Variants in PRR5 observed in about 807,000 individuals in gnomAD.
PRR5 encodes the protein proline rich 5, also known as proline-rich protein 5.
PRR5 carries 25 observed loss-of-function variants against 30.6 expected under a neutral mutation model. The ratio of observed to expected loss-of-function variants is 0.82; its 90% CI spans 0.60 to 1.14. The LOEUF (loss-of-function observed/expected upper bound fraction) is 1.14. Among genes scored for constraint, PRR5 ranks in the 50% most tolerant of loss-of-function variants. The pLI is 0.00. For missense variants in PRR5, 600 were observed against 547.1 expected (o/e 1.10, Z -0.96); for synonymous variants, 286 against 247.1 (o/e 1.16, Z -1.48).
At chr22:44,704,599 G>C (rs955408388) in intron 1 of PRR5, among the ~76,000 whole-genome samples, 5 of 152,028 alleles carry the variant, frequency 3.3e-5, no homozygotes, top group African/African-American at 1.2e-4. Context: ...CACCACCCCA[G>C]GCAGCAGGGG....
At chr22:44,723,493 G>A (rs569716326) in intron 2 of PRR5, among the ~76,000 whole-genome samples, 26 of 152,248 alleles carry the variant, frequency 1.7e-4, no homozygotes, top group Admixed American at 1.4e-3. Flanking sequence ...TCCGAGGCAG[G>A]TGGATCACCT....
intron 1 of PRR5, among the ~76,000 whole-genome samples, chr22:44,692,455 C>A (rs918989246): frequency 7.3e-6 from 1 of 137,076 alleles, no homozygotes; most frequent in Non-Finnish European, 1.7e-5. Context: ...GCTCCTCCAC[C>A]GGGGGAAATT....
At chr22:44,725,328 C>T in intron 3 of PRR5, 36 bp downstream of exon 3, 3 of 1,610,636 alleles carry the variant, frequency 1.9e-6, no homozygotes, top group Non-Finnish European at 2.5e-6. Context: ...CTGGGCCTGC[C>T]TCATGAGCCA....
intron 3 of PRR5, among the ~76,000 whole-genome samples, chr22:44,726,091 G>C (rs1457690574): frequency 1.3e-5 from 2 of 152,182 alleles, no homozygotes; most frequent in Non-Finnish European, 1.5e-5. Context: ...TGTGGAGATG[G>C]GCTGCATTTT....
At chr22:44,699,934 G>T (rs111371093), upstream of PRR5, among the ~76,000 whole-genome samples, 6 of 148,846 alleles carry the variant, frequency 4.0e-5, no homozygotes, top group African/African-American at 1.5e-4. Flanking sequence ...TGTTGTTTTT[G>T]TTTTTTTTTT....
chr22:44,702,305 C>T lies in PRR5; in HGVS notation c.-170C>T, dbSNP rs1436284619. On this transcript the variant is annotated 5_prime_UTR_variant, in exon 1 of 8. Coordinates refer to ENST00000336985, the MANE Select transcript of PRR5 (RefSeq NM_181333.4). ...CCGGCGGGGCGGCCGGCGCGGGACC[C>T]GAGACGGAGGCGCGGGGCCGGGGCG... is the stretch of plus-strand genomic sequence containing the variant. The T allele has an allele frequency of 2.6e-6, 3 of 1,149,856 alleles. No individual in the cohort carries two copies. In the East Asian group the frequency reaches 1.2e-4, roughly 44 times the overall value. 71.2% of individuals were successfully genotyped at this position (1,149,856 alleles called of 1,614,324 possible).
rs538997955 is a variant in PRR5 at position 44,714,803 on chromosome 22, A to G, written c.215+132A>G. The G allele has an allele frequency of 3.2e-6, 4 of 1,242,946 alleles. No individual in the cohort carries two copies. In the East Asian group the frequency reaches 7.6e-5, roughly 24 times the overall value. The allele number at this position is 1,242,946 out of a possible 1,614,324, so 77.0% of individuals were successfully genotyped here. On this transcript the variant is annotated intron_variant, in intron 2 of 7. Transcript: ENST00000336985. The stretch of plus-strand genomic sequence containing the variant: ...TTCCTCCCCTAGAGGCCATCTGTCA[A>G]CAGGAGAGCGAGGCCCAAGTTAGCA...
intron 2 of PRR5, among the ~76,000 whole-genome samples, chr22:44,724,158 G>A (rs187937405): frequency 9.2e-5 from 14 of 152,306 alleles, no homozygotes; most frequent in African/African-American, 2.2e-4. Flanking sequence ...TTCCTAGGCC[G>A]GGTGTGGTGG....
chr22:44,706,469 G>A (rs533337675), intron 1 of PRR5, among the ~76,000 whole-genome samples: 2 of 152,252 alleles, frequency 1.3e-5, no homozygotes, highest in South Asian at 2.1e-4. Flanking sequence ...TGAGCATTTC[G>A]CTGGGGTCTG....
At chr22:44,698,775 C>T (rs893957132), upstream of PRR5, among the ~76,000 whole-genome samples, 4 of 152,230 alleles carry the variant, frequency 2.6e-5, no homozygotes, top group East Asian at 1.9e-4. Context: ...GTTGGCCGCA[C>T]GCAGTTTGGT....
At position 44,694,148 on chromosome 22, in the gene PRR5, T is replaced by C. The variant is rs1462035917; in HGVS notation, c.-10-8344T>C. On this transcript the variant is annotated intron_variant, in intron 1 of 8. Coordinates refer to the PRR5 transcript ENST00000006251. ...CGGCCAAGAAGGGCCAGCACGTCAT[T>C]GTCAGAACAGGAAGCTTCGAGGGAC... Among the ~76,000 whole-genome samples, 3 of 152,194 alleles carry C rather than the reference T, an allele frequency of 2.0e-5. No individual in the cohort carries two copies. The East Asian group carries it at 5.8e-4, about 29-fold the overall frequency.
chr22:44,696,758 A>T (rs75955464), intron 1 of PRR5, among the ~76,000 whole-genome samples: 3,544 of 93,652 alleles, frequency 0.038, 44 homozygotes, highest in East Asian at 0.063. Flanking sequence ...TTTATTTGAG[A>T]TGCAGTCCTG....
chr22:44,675,284 G>A (rs1923671751), upstream of PRR5, among the ~76,000 whole-genome samples: 1 of 152,090 alleles, frequency 6.6e-6, no homozygotes, highest in African/African-American at 2.4e-5. Flanking sequence ...AAAGAAATGG[G>A]GTTTTGCCAC....
At chr22:44,697,088 T>C (rs559910165) in intron 1 of PRR5, among the ~76,000 whole-genome samples, 19 of 152,272 alleles carry the variant, frequency 1.2e-4, no homozygotes, top group African/African-American at 4.6e-4. Flanking sequence ...TGGGCTCACC[T>C]TCTGGTAGCA....
chr22:44,728,648 A>G (rs1921307498), intron 4 of PRR5, among the ~76,000 whole-genome samples: 1 of 152,148 alleles, frequency 6.6e-6, no homozygotes. Context: ...TGCAGTGGGG[A>G]CATAGCCACC....
chr22:44,733,034 A>G (rs1028333493), intron 6 of PRR5, among the ~76,000 whole-genome samples: 1 of 152,194 alleles, frequency 6.6e-6, no homozygotes, highest in South Asian at 2.1e-4. Flanking sequence ...CATACACACT[A>G]CACACATACT....
chr22:44,680,007 C>G lies in PRR5; in HGVS notation c.-11+2767C>G. ...GCGAGAGACCCACGGGGAATGAGGGCTGGACCTCAGCCTGAGTGAGTGTGT... is the reference window on the plus strand; with the variant it reads ...GCGAGAGACCCACGGGGAATGAGGGGTGGACCTCAGCCTGAGTGAGTGTGT... On this transcript the variant is annotated intron_variant, in intron 1 of 8. Transcript: ENST00000006251. 4 of 862,304 alleles carry G rather than the reference C, an allele frequency of 4.6e-6. No individual in the cohort carries two copies. The South Asian group carries it at 6.8e-5, about 15-fold the overall frequency. 53.4% of individuals were successfully genotyped at this position (862,304 alleles called of 1,614,324 possible). A position where few individuals can be genotyped will look rare whatever the true frequency, so the allele number is the denominator to read the frequency against.
At chr22:44,722,515 G>A (rs777958821) in intron 2 of PRR5, among the ~76,000 whole-genome samples, 27 of 152,222 alleles carry the variant, frequency 1.8e-4, no homozygotes, top group Admixed American at 1.0e-3. Context: ...CCCAGGCCAC[G>A]TCTCTGGGCT....
intron 6 of PRR5, 65 bp from the exon 7 acceptor site, chr22:44,734,962 T>C (rs1922924056): frequency 6.6e-7 from 1 of 1,518,604 alleles, no homozygotes; most frequent in Admixed American, 1.7e-5. Context: ...GGACATATGG[T>C]TGAGAGCCTG....
Sources: gnomAD v4.1 joint callset for allele counts (sites outside exome capture counted in the v4.1 genomes callset) on GRCh38, gnomAD v4.1.1 for gene constraint, MANE v1.5 for transcripts, NCBI Gene and HGNC (gene_info 2026-07-23, HGNC 2026-07-21) for gene names.